SNRNP200: variants seen among roughly 807,000 people sequenced by gnomAD.
SNRNP200 encodes U5 small nuclear ribonucleoprotein 200 kDa helicase.
In SNRNP200, 66 loss-of-function variants were observed where a neutral mutation model predicts 255.2. That is an observed-to-expected ratio of 0.26 (90% CI 0.21 to 0.32). The LOEUF is 0.32. SNRNP200 is among the 10% of genes least tolerant of loss of function. SNRNP200 has a pLI of 1.00. For missense variants in SNRNP200, 1,585 were observed against 2,749.8 expected (o/e 0.58, Z 9.47); for synonymous variants, 939 against 1,027.8 (o/e 0.91, Z 1.65).
Position 96,278,546 on chromosome 2 carries a change from C to T in SNRNP200, c.5488+1G>A. The T allele has an allele frequency of 6.2e-7, 1 of 1,613,974 alleles. No homozygotes were observed. On this transcript the variant is annotated splice_donor_variant, in intron 38 of 44. Coordinates refer to ENST00000323853, the MANE Select transcript of SNRNP200 (RefSeq NM_014014.5). LOFTEE classifies it high-confidence loss of function. This position sits in a 1 kb window ranked among gnomAD's most constrained non-coding sequence, Gnocchi z 6.9. Reference sequence around the variant, plus strand: ...AGGACACGGGCCATGCCGGGCCTCACCAATGGTGGTGTAGTTGATGTAATA... The same window carrying T: ...AGGACACGGGCCATGCCGGGCCTCATCAATGGTGGTGTAGTTGATGTAATA...
rs1373744114 is a variant in SNRNP200, at chr2:96,286,300, G to C, written c.4003+11C>G. On this transcript the variant is annotated intron_variant, in intron 29 of 44. Coordinates refer to ENST00000323853, the MANE Select transcript of SNRNP200 (RefSeq NM_014014.5). The surrounding 1 kb of genome is among the most constrained non-coding windows in gnomAD (Gnocchi z 4.8). ...TTCAAAAGCCTCCAGAGGAGGGATG[G>C]AAACACTTACCCTGGGTCTGGATGG... 1 of 1,613,522 alleles carries C rather than the reference G, an allele frequency of 6.2e-7. No homozygotes were observed. The highest frequency in any genetic ancestry group is 8.5e-7 in the Non-Finnish European group (1 of 1,179,668).
Position 96,296,945 on chromosome 2 carries a change from C to G in SNRNP200, c.1503G>C (p.Leu501=), listed in dbSNP as rs2063920796. The change falls in exon 12 of 45, where the codon CTG becomes CTC. Residue 501 remains leucine, a synonymous_variant. Transcript: ENST00000323853. ...AALETDENLL[L]CAPTGAGKTN... is the part of the protein sequence containing the mutation. ...GGGTGGCGCTTACAGTAGGAGCACACAGCAGCAGATTCTCATCCGTCTCAA... is the reference window on the plus strand; with the variant it reads ...GGGTGGCGCTTACAGTAGGAGCACAGAGCAGCAGATTCTCATCCGTCTCAA... 1 of 1,614,100 alleles carries G rather than the reference C, an allele frequency of 6.2e-7. No individual in the cohort carries two copies. Among genetic ancestry groups the G allele is most frequent in the South Asian group, 1.1e-5 (1 of 91,084 alleles).
At chr2:96,293,208 C>T in intron 15 of SNRNP200, 108 bp downstream of exon 15, 1 of 1,573,502 alleles carries the variant, frequency 6.4e-7, no homozygotes, top group South Asian at 1.1e-5. Context: ...CACACCACAT[C>T]AAAACCCAAA....
Position 96,280,476 on chromosome 2 carries a change from C to T in SNRNP200, c.5025-917G>A, listed in dbSNP as rs561102293. ...TCATACCACCGCATTCCAGCCTAAACGACAGAACAAGATTGTCTTAAAAAA... is the reference window on the plus strand; with the variant it reads ...TCATACCACCGCATTCCAGCCTAAATGACAGAACAAGATTGTCTTAAAAAA... On this transcript the variant is annotated intron_variant, in intron 35 of 44. Transcript: ENST00000323853. 3.8e-4 allele frequency among the ~76,000 whole-genome samples: 58 copies of T among 151,848 alleles called. 2 individuals are homozygous for T. The South Asian group carries it at 0.011, about 28-fold the overall frequency.
chr2:96,277,186 A>G lies in SNRNP200; in HGVS notation c.5987T>C (p.Leu1996Ser), dbSNP rs769375617. The G allele has an allele frequency of 1.9e-6, 3 of 1,614,220 alleles. No homozygotes were observed. The South Asian group carries it at 3.3e-5, about 18-fold the overall frequency. ...AATCTGGCTGTCAGTCAGCTGAAGC[A>G]ACGCGTTCCGTTCTTCATCCTCCAT... ...MEMEDEERNA[L>S]LQLTDSQIAD... is the part of the protein sequence containing the mutation. Residue 1996 changes from leucine to serine, a missense_variant, in exon 42 of 45, where the codon TTG becomes TCG. Physicochemically the swap from Leu to Ser is moderately radical, Grantham distance 145. Around this residue, in one of 9 missense-constraint regions of SNRNP200, gnomAD observed 279 missense variants for 551.2 expected, o/e 0.51. Transcript: ENST00000323853. This position sits in a 1 kb window ranked among gnomAD's most constrained non-coding sequence, Gnocchi z 4.4.
rs1465505507 is a variant in SNRNP200 at position 96,286,664 on chromosome 2, G to A, written c.3829+24C>T. On this transcript the variant is annotated intron_variant, in intron 28 of 44. Transcript: ENST00000323853. This position sits in a 1 kb window ranked among gnomAD's most constrained non-coding sequence, Gnocchi z 4.8. ...CTGTCCTTGGAGGGACTGTTCCTGGGGACTCTGGAGAGGAGACACTCACAG... is the reference window on the plus strand; with the variant it reads ...CTGTCCTTGGAGGGACTGTTCCTGGAGACTCTGGAGAGGAGACACTCACAG... 1.2e-6 allele frequency: 2 copies of A among 1,611,760 alleles called. No individual in the cohort carries two copies. The highest frequency in any genetic ancestry group is 2.2e-5 in the South Asian group (2 of 90,984).
Position 96,290,936 on chromosome 2 carries a change from G to T in SNRNP200, c.2422-121C>A. 1 of 1,140,608 alleles carries T rather than the reference G, an allele frequency of 8.8e-7. No homozygotes were observed. Among genetic ancestry groups the T allele is most frequent in the Non-Finnish European group, 1.3e-6 (1 of 770,580 alleles). The allele number at this position is 1,140,608 out of a possible 1,614,324, so 70.7% of individuals were successfully genotyped here. On this transcript the variant is annotated intron_variant, in intron 18 of 44. Coordinates refer to ENST00000323853, the MANE Select transcript of SNRNP200 (RefSeq NM_014014.5). This position sits in a 1 kb window ranked among gnomAD's most constrained non-coding sequence, Gnocchi z 4.5. ...CAGGACTAGCCGGTAGGGCGCGTGG[G>T]GTCCCAGTACTTGTCAATGTGACAC...
intron 43 of SNRNP200, 26 bp downstream of exon 43, chr2:96,276,878 T>G (rs749452462): frequency 1.9e-6 from 3 of 1,613,242 alleles, no homozygotes; most frequent in South Asian, 2.2e-5. Context: ...AGTTGACACC[T>G]GACCAAGCCA....
At position 96,277,005 on chromosome 2, in the gene SNRNP200, G is replaced by T; in HGVS notation, c.6093-20C>A. 6.2e-7 allele frequency: 1 copy of T among 1,614,076 alleles called. No individual in the cohort carries two copies. Among genetic ancestry groups the T allele is most frequent in the South Asian group, 1.1e-5 (1 of 91,076 alleles). The stretch of plus-strand genomic sequence containing the variant: ...CCGCCACTGCAGGGGGAGAGGAGGG[G>T]CGCACGTCAGTGATGGGGCAGTGGG... On this transcript the variant is annotated intron_variant, in intron 42 of 44. Transcript: ENST00000323853. The surrounding 1 kb of genome is among the most constrained non-coding windows in gnomAD (Gnocchi z 4.4).
At chr2:96,302,892 C>T (rs1264403833) in intron 3 of SNRNP200, among the ~76,000 whole-genome samples, 4 of 152,182 alleles carry the variant, frequency 2.6e-5, no homozygotes, top group African/African-American at 9.7e-5. Context: ...CTCAGGCGCA[C>T]CACCCTCCAG....
rs1384714797 is a variant in SNRNP200 at position 96,287,347 on chromosome 2, C to T, written c.3484+92G>A. On this transcript the variant is annotated intron_variant, in intron 26 of 44. Coordinates refer to ENST00000323853, the MANE Select transcript of SNRNP200 (RefSeq NM_014014.5). This position sits in a 1 kb window ranked among gnomAD's most constrained non-coding sequence, Gnocchi z 5.7. The stretch of plus-strand genomic sequence containing the variant: ...GGACTTGGGGAGTGAACACAGGATA[C>T]TAATGCACAGGCCTAGGAACAGGAA... The T allele has an allele frequency of 4.2e-6, 5 of 1,180,942 alleles. No individual in the cohort carries two copies. The highest frequency in any genetic ancestry group is 3.8e-6 in the Non-Finnish European group (3 of 785,266). 73.2% of individuals were successfully genotyped at this position (1,180,942 alleles called of 1,614,324 possible). A position where few individuals can be genotyped will look rare whatever the true frequency, so the allele number is the denominator to read the frequency against.
At chr2:96,282,047 G>T in intron 34 of SNRNP200, 125 bp from the exon 35 acceptor site, 1 of 719,930 alleles carries the variant, frequency 1.4e-6, no homozygotes. Context: ...AGGCTGGCTA[G>T]GAACAAGGTC....
At position 96,291,489 on chromosome 2, in the gene SNRNP200, T is replaced by C. The variant is rs201944329; in HGVS notation, c.2324A>G (p.Lys775Arg). The C allele has an allele frequency of 1.2e-6, 2 of 1,610,184 alleles. No homozygotes were observed. The highest frequency in any genetic ancestry group is 1.3e-5 in the African/African-American group (1 of 74,962). The change falls in exon 18 of 45, where the codon AAG (lysine) becomes AGG (arginine). Residue 775 changes from lysine (K) to arginine (R), a missense_variant. Lys to Arg is a conservative substitution (Grantham distance 26). This residue lies in a region of SNRNP200 where 140 missense variants were observed against 274.9 expected (regional missense o/e 0.51). Coordinates refer to ENST00000323853, the MANE Select transcript of SNRNP200 (RefSeq NM_014014.5). The surrounding 1 kb of genome is among the most constrained non-coding windows in gnomAD (Gnocchi z 4.2). The part of the protein sequence containing the change: ...EAEQCKNLEL[K>R]DLLPYGFAIH... Reference sequence around the variant, plus strand: ...AGCAAAGCCATAAGGCAGAAGATCCTTCAGCTCTAGGTTCTGTGGAACAAA... The same window carrying C: ...AGCAAAGCCATAAGGCAGAAGATCCCTCAGCTCTAGGTTCTGTGGAACAAA...
In SNRNP200 at chr2:96,290,375, G is replaced by T. The variant is rs774304428; in HGVS notation, c.2693C>A (p.Pro898His). The T allele has an allele frequency of 6.2e-7, 1 of 1,614,196 alleles. No homozygotes were observed. Among genetic ancestry groups the T allele is most frequent in the Admixed American group, 1.7e-5 (1 of 60,024 alleles). ...PIESQMVSKLPDMLNAEIVLG... is the reference protein window; with the variant it reads ...PIESQMVSKLHDMLNAEIVLG... ...CACGATTTCTGCATTGAGCATGTCA[G>T]GAAGCTTTGAAACCATCTGGCTTTC... The change falls in exon 20 of 45, where the codon CCT becomes CAT. Residue 898 changes from proline (P) to histidine (H), a missense_variant. Pro to His is a moderately conservative substitution (Grantham distance 77). Transcript: ENST00000323853. The surrounding 1 kb of genome is among the most constrained non-coding windows in gnomAD (Gnocchi z 4.5).
At chr2:96,296,850 TG>T in intron 12 of SNRNP200, 82 bp downstream of exon 12, 1 of 1,561,378 alleles carries the variant, frequency 6.4e-7, no homozygotes, top group East Asian at 2.2e-5. Flanking sequence ...AATTAGGGGG[TG>T]GGGGTGGAAA....
At chr2:96,300,904 G>T in intron 5 of SNRNP200, 94 bp downstream of exon 5, 3 of 1,040,858 alleles carry the variant, frequency 2.9e-6, no homozygotes, top group Non-Finnish European at 4.5e-6. Flanking sequence ...AAATTTATCT[G>T]GTTTAAACTA....
intron 3 of SNRNP200, among the ~76,000 whole-genome samples, chr2:96,302,817 A>G (rs1276029653): frequency 1.3e-5 from 2 of 152,228 alleles, no homozygotes; most frequent in East Asian, 3.8e-4. Context: ...GCCTACCAAA[A>G]GACAACAGAT....
At position 96,296,854 on chromosome 2, in the gene SNRNP200, G is replaced by A. The variant is rs138144608; in HGVS notation, c.1515+79C>T. The A allele has an allele frequency of 4.8e-4, 765 of 1,585,570 alleles. 5 individuals are homozygous for A. In the African/African-American group the frequency reaches 9.4e-3, roughly 19 times the overall value. On this transcript the variant is annotated intron_variant, in intron 12 of 44. Coordinates refer to ENST00000323853, the MANE Select transcript of SNRNP200 (RefSeq NM_014014.5). The stretch of plus-strand genomic sequence containing the variant: ...AAAGGACAAAGAATTAGGGGGTGGG[G>A]GTGGAAATAAAAAACAATCTTGCAA...
chr2:96,294,899 A>AT (rs2063907091), intron 14 of SNRNP200, among the ~76,000 whole-genome samples: 1 of 152,210 alleles, frequency 6.6e-6, no homozygotes, highest in Admixed American at 6.5e-5. Context: ...TATTTCAGAC[A>AT]TAAAAAAATA....
Sources: allele counts gnomAD v4.1 joint callset (sites outside exome capture counted in the v4.1 genomes callset), GRCh38; gene constraint gnomAD v4.1.1; regional missense constraint gnomAD v4.1.1; non-coding constraint Gnocchi (gnomAD v3.1); transcripts MANE v1.5; gene names NCBI Gene and HGNC (gene_info 2026-07-23, HGNC 2026-07-21).